Variants in MAP4 observed in about 807,000 individuals in gnomAD.
MAP4 encodes microtubule associated protein 4.
MAP4 carries 76 observed loss-of-function variants against 170.2 expected under a neutral mutation model. The ratio of observed to expected loss-of-function variants is 0.45; its 90% CI spans 0.37 to 0.54. The LOEUF is 0.54. MAP4 is among the 20% of genes least tolerant of loss of function. The probability of loss-of-function intolerance (pLI) is 0.00; values close to 1 mark genes in which losing one functional copy is unlikely to be tolerated. For synonymous variants in MAP4, 909 were observed against 994.5 expected, an observed-to-expected ratio of 0.91 and a Z score of 1.62; for missense variants, 2,506 against 2,748.0, an observed-to-expected ratio of 0.91 and a Z score of 1.97.
chr3:48,033,804 T>C (rs949432859), intron 1 of MAP4, among the ~76,000 whole-genome samples: 1 of 152,136 alleles, frequency 6.6e-6, no homozygotes, highest in African/African-American at 2.4e-5. Context: ...TTTTTCACTA[T>C]GTTGGCCAGG....
At chr3:47,939,235 G>A (rs1216316245) in intron 3 of MAP4, among the ~76,000 whole-genome samples, 3 of 152,038 alleles carry the variant, frequency 2.0e-5, no homozygotes, top group Non-Finnish European at 4.4e-5. Context: ...CTGTTACTAG[G>A]AAAGAATTTA....
In MAP4 at chr3:47,925,078, G is replaced by A. The variant is rs559309274; in HGVS notation, c.415+3150C>T. 3.9e-5 allele frequency among the ~76,000 whole-genome samples: 6 copies of A among 152,288 alleles called. No homozygotes were observed. The South Asian group carries it at 6.2e-4, about 16-fold the overall frequency. ...ACCTGCCTCAGCCTCCCAAAGTGCT[G>A]TGATTACAGGCGTGAGCCACCGTGC... On this transcript the variant is annotated intron_variant, in intron 4 of 20. Transcript: ENST00000683076.
chr3:47,892,296 C>A (rs771227452), intron 10 of MAP4: 1 of 1,536,290 alleles, frequency 6.5e-7, no homozygotes, highest in South Asian at 1.2e-5. Context: ...GCATTCTTCA[C>A]AAGCCCATCT....
At chr3:48,040,474 T>C (rs1220581932) in intron 1 of MAP4, among the ~76,000 whole-genome samples, 1 of 152,122 alleles carries the variant, frequency 6.6e-6, no homozygotes, top group African/African-American at 2.4e-5. Context: ...TTTCACCATG[T>C]TAGCCAGGAC....
intron 10 of MAP4, among the ~76,000 whole-genome samples, chr3:47,887,286 GC>G (rs1053908662): frequency 6.6e-6 from 1 of 152,226 alleles, no homozygotes; most frequent in African/African-American, 2.4e-5. Flanking sequence ...GGCTTGGTGG[GC>G]CCCGCACTTG....
intron 1 of MAP4, among the ~76,000 whole-genome samples, chr3:48,070,412 A>G (rs2100140360): frequency 6.6e-6 from 1 of 151,492 alleles, no homozygotes; most frequent in African/African-American, 2.4e-5. Context: ...ATCTTCTTCA[A>G]TTTTAATTTT....
chr3:47,876,623 G>A (rs2095482827), intron 11 of MAP4, among the ~76,000 whole-genome samples: 1 of 151,988 alleles, frequency 6.6e-6, no homozygotes, highest in East Asian at 1.9e-4. Context: ...TGAAGACCCT[G>A]GACAACATGC....
At chr3:47,903,474 A>C (rs2100031242) in intron 9 of MAP4, among the ~76,000 whole-genome samples, 1 of 151,030 alleles carries the variant, frequency 6.6e-6, no homozygotes, top group African/African-American at 2.4e-5. Flanking sequence ...CAGAGCGTGC[A>C]GTGAGCCGAG....
chr3:47,930,642 TTGA>T (rs2100049187), intron 3 of MAP4, among the ~76,000 whole-genome samples: 1 of 151,770 alleles, frequency 6.6e-6, no homozygotes, highest in African/African-American at 2.4e-5. Flanking sequence ...AATTTAAAAC[TTGA>T]TGGCCAGCTG....
At chr3:47,854,552 G>GC (rs1362120000) in intron 19 of MAP4, among the ~76,000 whole-genome samples, 3 of 152,348 alleles carry the variant, frequency 2.0e-5, no homozygotes, top group Middle Eastern at 3.4e-3. Flanking sequence ...CCCCTCATGG[G>GC]CCCCCCACCC....
intron 2 of MAP4, among the ~76,000 whole-genome samples, chr3:47,993,195 G>A (rs147687785): frequency 3.9e-5 from 6 of 152,204 alleles, no homozygotes; most frequent in Admixed American, 1.3e-4. Flanking sequence ...GCAGTGGTCC[G>A]CACCTATAGT....
chr3:47,891,968 T>C (rs1473013045), intron 10 of MAP4: 2 of 1,536,274 alleles, frequency 1.3e-6, no homozygotes, highest in South Asian at 2.4e-5. Flanking sequence ...CTCCTTAACA[T>C]ATCTGGTAGG....
At chr3:48,041,938 C>G (rs555323173) in intron 1 of MAP4, among the ~76,000 whole-genome samples, 1 of 152,090 alleles carries the variant, frequency 6.6e-6, no homozygotes, top group Non-Finnish European at 1.5e-5. Context: ...GGTAGCACAC[C>G]CGAATTCCAC....
intron 1 of MAP4, among the ~76,000 whole-genome samples, chr3:48,067,075 G>C (rs1312417300): frequency 3.3e-5 from 5 of 151,592 alleles, no homozygotes; most frequent in Non-Finnish European, 7.4e-5. Flanking sequence ...CTTCTGACCT[G>C]GTAATCCGCC....
upstream of MAP4, among the ~76,000 whole-genome samples, chr3:48,018,720 T>C (rs916201773): frequency 3.9e-5 from 6 of 152,204 alleles, no homozygotes; most frequent in East Asian, 1.2e-3. Context: ...GGAGAATCAC[T>C]TGAACCTGGG....
At chr3:48,055,449 G>A (rs1430432678) in intron 1 of MAP4, among the ~76,000 whole-genome samples, 1 of 151,090 alleles carries the variant, frequency 6.6e-6, no homozygotes, top group Admixed American at 6.6e-5. Context: ...CGAGTGATCC[G>A]CCAACCTCGG....
chr3:48,059,653 G>T (rs1311385988), intron 1 of MAP4, among the ~76,000 whole-genome samples: 2 of 151,932 alleles, frequency 1.3e-5, no homozygotes, highest in Non-Finnish European at 2.9e-5. Flanking sequence ...ACAACTTTTG[G>T]GCTGGGTGCA....
chr3:47,863,397 C>T (rs771880703), intron 17 of MAP4, among the ~76,000 whole-genome samples: 1 of 152,172 alleles, frequency 6.6e-6, no homozygotes, highest in Admixed American at 6.5e-5. Flanking sequence ...TGCTTCCAAA[C>T]GATTCCCCCA....
intron 2 of MAP4, among the ~76,000 whole-genome samples, chr3:47,982,825 T>C (rs1213214907): frequency 1.3e-5 from 2 of 152,166 alleles, no homozygotes; most frequent in African/African-American, 4.8e-5. Flanking sequence ...TGTTTGTAAC[T>C]GCAAAGAATA....
Sources: gnomAD v4.1 joint callset for allele counts (sites outside exome capture counted in the v4.1 genomes callset) on GRCh38, gnomAD v4.1.1 for gene constraint, MANE v1.5 for transcripts, NCBI Gene and HGNC (gene_info 2026-07-23, HGNC 2026-07-21) for gene names.